BROX: variants seen among roughly 807,000 people sequenced by gnomAD.
The protein encoded by BROX is BRO1 domain-containing protein BROX.
BROX carries 53 observed loss-of-function variants against 61.0 expected under a neutral mutation model. The ratio of observed to expected loss-of-function variants is 0.87; its 90% CI spans 0.70 to 1.09. The LOEUF is 1.09. Among genes scored for constraint, BROX ranks in the 50% least tolerant of loss-of-function variants. The pLI is 0.00. For missense variants in BROX, 489 were observed against 472.0 expected, an observed-to-expected ratio of 1.04 and a Z score of -0.33; for synonymous variants, 152 against 160.2, an observed-to-expected ratio of 0.95 and a Z score of 0.38.
In BROX at chr1:222,729,629, T is replaced by TA. The variant is rs1362560903; in HGVS notation, c.767dup (p.Tyr256Ter). The change falls in exon 10 of 13, where the codon TAC (tyrosine) becomes TAAC (stop). Residue 256 changes from tyrosine (Y) to a stop codon, truncating the protein, a stop_gained and frameshift_variant. Coordinates refer to ENST00000340934, the MANE Select transcript of BROX (RefSeq NM_144695.4). LOFTEE classifies it high-confidence loss of function. ...TTGTTTATTTCATCAGGCTTACTGT[T>TA]ACCATGGTGAGACTTTATTGGCTAG... is the stretch of plus-strand genomic sequence containing the variant. ...MCFYTAYAYC[Y>*]HGETLLASDK... 3 of 1,612,550 alleles carry TA rather than the reference T, an allele frequency of 1.9e-6. No individual in the cohort carries two copies. The highest frequency in any genetic ancestry group is 2.7e-5 in the African/African-American group (2 of 74,886).
chr1:222,722,325 A>T, intron 4 of BROX, 94 bp from the exon 5 acceptor site: 1 of 991,720 alleles, frequency 1.0e-6, no homozygotes, highest in Non-Finnish European at 1.6e-6. Context: ...GTTAGCATAT[A>T]CTTCTTTGTA....
At position 222,727,207 on chromosome 1, in the gene BROX, G is replaced by A. The variant is rs201017265; in HGVS notation, c.620G>A (p.Gly207Glu). ...ARAIELKHAPGLIAALAYETA... is the reference protein window; with the variant it reads ...ARAIELKHAPELIAALAYETA... ...GCAATTGAACTAAAACATGCTCCTGGACTAATTGCTGCACTGGCGTATGAA... is the reference window on the plus strand; with the variant it reads ...GCAATTGAACTAAAACATGCTCCTGAACTAATTGCTGCACTGGCGTATGAA... Residue 207 changes from glycine (G) to glutamate (E), a missense_variant, in exon 8 of 13, where the codon GGA (glycine) becomes GAA (glutamate). Gly to Glu is a moderately conservative substitution (Grantham distance 98, BLOSUM62 -2). Coordinates refer to ENST00000340934, the MANE Select transcript of BROX (RefSeq NM_144695.4). 29 of 1,613,570 alleles carry A rather than the reference G, an allele frequency of 1.8e-5. No individual in the cohort carries two copies. The highest frequency in any genetic ancestry group is 2.3e-5 in the Non-Finnish European group (27 of 1,179,824).
At chr1:222,712,985 G>C in intron 1 of BROX, 43 bp downstream of exon 1, 6 of 1,174,242 alleles carry the variant, frequency 5.1e-6, no homozygotes, top group Non-Finnish European at 6.4e-6. Context: ...AATATCCCCC[G>C]CTACTTCCCC....
rs763788766 is a variant in BROX at position 222,727,243 on chromosome 1, T to C, written c.656T>C (p.Phe219Ser). 6.2e-7 allele frequency: 1 copy of C among 1,611,198 alleles called. No individual in the cohort carries two copies. The highest frequency in any genetic ancestry group is 8.5e-7 in the Non-Finnish European group (1 of 1,177,842). The change falls in exon 8 of 13, where the codon TTC (phenylalanine) becomes TCC (serine). Residue 219 changes from phenylalanine to serine, a missense_variant. Coordinates refer to ENST00000340934, the MANE Select transcript of BROX (RefSeq NM_144695.4). The stretch of plus-strand genomic sequence containing the variant: ...GCACTGGCGTATGAAACAGCCAATT[T>C]CTATCAAAAAGCTGGTAAGCTTCTA... The part of the protein sequence containing the change: ...IAALAYETAN[F>S]YQKADHTLSS...
rs1181677260 is a variant in BROX, at chr1:222,732,719, C to T, written c.*5C>T. On this transcript the variant is annotated 3_prime_UTR_variant, in exon 13 of 13. Coordinates refer to ENST00000340934, the MANE Select transcript of BROX (RefSeq NM_144695.4). ...ACTGGGTGCTACATCTCCTAAAATA[C>T]AACTTGCACTTAGAATTTCTCTAGC... 2 of 1,597,802 alleles carry T rather than the reference C, an allele frequency of 1.3e-6. No individual in the cohort carries two copies. Among genetic ancestry groups the T allele is most frequent in the Non-Finnish European group, 8.6e-7 (1 of 1,168,582 alleles).
At chr1:222,714,818 G>A (rs1231530459) in intron 1 of BROX, among the ~76,000 whole-genome samples, 1 of 151,910 alleles carries the variant, frequency 6.6e-6, no homozygotes, top group African/African-American at 2.4e-5. Flanking sequence ...GAGCTCAAGC[G>A]ATCCACCCAC....
At chr1:222,719,773 C>A (rs375612795) in intron 4 of BROX, among the ~76,000 whole-genome samples, 5 of 152,216 alleles carry the variant, frequency 3.3e-5, no homozygotes, top group Non-Finnish European at 7.4e-5. Context: ...TTCTCTCCAA[C>A]TCCATACTCT....
Position 222,724,179 on chromosome 1 carries a change from CAA to C in BROX, c.474+19_474+20del. The stretch of plus-strand genomic sequence containing the variant: ...AACATTTAAAGGTAAAACAAACAAA[CAA>C]AAACCATTATTTGTTCTTAATGCTT... On this transcript the variant is annotated intron_variant, in intron 6 of 12. Transcript: ENST00000340934. 6.3e-7 allele frequency: 1 copy of C among 1,583,988 alleles called. No homozygotes were observed. Among genetic ancestry groups the C allele is most frequent in the Non-Finnish European group, 8.6e-7 (1 of 1,162,196 alleles).
rs1387492307 is a variant in BROX at position 222,734,454 on chromosome 1, T to TTAAAAGG, written c.*1742_*1743insAAAGGTA. The stretch of plus-strand genomic sequence containing the variant: ...GATTACTTAAATCATATATCATAGT[T>TTAAAAGG]TACACTCCTTAAAAAAAGGTACATA... On this transcript the variant is annotated 3_prime_UTR_variant, in exon 13 of 13. Transcript: ENST00000340934. 7 of 152,170 alleles carry TTAAAAGG rather than the reference T, an allele frequency of 4.6e-5. No individual in the cohort carries two copies. The highest frequency in any genetic ancestry group is 8.8e-5 in the Non-Finnish European group (6 of 68,018). The allele number at this position is 152,170 out of a possible 1,614,324, so 9.4% of individuals were successfully genotyped here.
chr1:222,717,113 A>G (rs1032926332), intron 2 of BROX, among the ~76,000 whole-genome samples: 5 of 152,242 alleles, frequency 3.3e-5, no homozygotes, highest in African/African-American at 1.2e-4. Context: ...TAAAAGCTAC[A>G]TAGTATTTAT....
At chr1:222,713,340 A>T (rs997982413) in intron 1 of BROX, 32 of 985,764 alleles carry the variant, frequency 3.2e-5, no homozygotes, top group South Asian at 4.6e-5. Context: ...CGCTGCCTCG[A>T]ACGGGACTGG....
At chr1:222,720,021 A>C (rs1656949269) in intron 4 of BROX, among the ~76,000 whole-genome samples, 1 of 152,230 alleles carries the variant, frequency 6.6e-6, no homozygotes, top group Non-Finnish European at 1.5e-5. Flanking sequence ...TTTTATAAAA[A>C]CAGAAAGGAA....
intron 12 of BROX, among the ~76,000 whole-genome samples, chr1:222,731,721 A>G (rs554589088): frequency 1.6e-4 from 24 of 152,368 alleles, no homozygotes; most frequent in Admixed American, 1.4e-3. Context: ...GATTTTCTAC[A>G]TAATGACATT....
At chr1:222,723,458 T>A (rs973340642) in intron 5 of BROX, among the ~76,000 whole-genome samples, 1 of 152,140 alleles carries the variant, frequency 6.6e-6, no homozygotes, top group Non-Finnish European at 1.5e-5. Flanking sequence ...TTACACCTAG[T>A]TAGGGTCTCT....
In BROX at chr1:222,734,795, A is replaced by G. The variant is rs921912012; in HGVS notation, c.*2081A>G. The G allele has an allele frequency of 3.9e-5, 6 of 152,196 alleles. No individual in the cohort carries two copies. The highest frequency in any genetic ancestry group is 1.3e-4 in the Admixed American group (2 of 15,270). The allele number at this position is 152,196 out of a possible 1,614,324, so 9.4% of individuals were successfully genotyped here. On this transcript the variant is annotated 3_prime_UTR_variant, in exon 13 of 13. Coordinates refer to ENST00000340934, the MANE Select transcript of BROX (RefSeq NM_144695.4). ...ACTTGTGCTTATTAATCTACTTACT[A>G]AATTTTCACATTGACATTTTTGGGG...
chr1:222,713,012 GGA>G, intron 1 of BROX, 70 bp downstream of exon 1: 4 of 1,168,212 alleles, frequency 3.4e-6, no homozygotes, highest in Non-Finnish European at 4.3e-6. Context: ...TCAAGCAATA[GGA>G]TCACCCCCTT....
At chr1:222,723,764 C>T (rs1016383149) in intron 5 of BROX, among the ~76,000 whole-genome samples, 3 of 152,008 alleles carry the variant, frequency 2.0e-5, no homozygotes, top group African/African-American at 7.2e-5. Flanking sequence ...CTGCAACTGC[C>T]ACCTCCTGGG....
chr1:222,716,151 T>G (rs1045095866), intron 2 of BROX, among the ~76,000 whole-genome samples: 7 of 152,140 alleles, frequency 4.6e-5, no homozygotes, highest in Admixed American at 1.3e-4. Context: ...CAGGCTGGAG[T>G]GCAATGGCTT....
Position 222,719,250 on chromosome 1 carries a change from T to C in BROX, c.209-13T>C. The C allele has an allele frequency of 6.5e-7, 1 of 1,533,308 alleles. No homozygotes were observed. The highest frequency in any genetic ancestry group is 9.0e-7 in the Non-Finnish European group (1 of 1,109,384). The allele number at this position is 1,533,308 out of a possible 1,614,324, so 95.0% of individuals were successfully genotyped here. On this transcript the variant is annotated splice_polypyrimidine_tract_variant and intron_variant, in intron 3 of 12. Transcript: ENST00000340934. ...ATTCTTCTAAAACTAAAATGTCTTG[T>C]ACTTTTCTATAGGTTTCATAAATTC...
Sources: gnomAD v4.1 joint callset for allele counts (sites outside exome capture counted in the v4.1 genomes callset) on GRCh38, gnomAD v4.1.1 for gene constraint, MANE v1.5 for transcripts, NCBI Gene and HGNC (gene_info 2026-07-23, HGNC 2026-07-21) for gene names.